The following SDK1 variants were observed in gnomAD, a reference collection of about 807,000 sequenced individuals.
SDK1 encodes the protein protein sidekick-1.
Under a neutral mutation model 245.5 loss-of-function variants are expected in SDK1, and 157 were observed. That is an observed-to-expected ratio of 0.64 (90% CI 0.56 to 0.73). SDK1 has a LOEUF of 0.73. Among genes scored for constraint, SDK1 ranks in the 30% least tolerant of loss-of-function variants. SDK1 has a pLI of 0.00. For missense variants in SDK1, 3,583 were observed against 3,002.3 expected, an observed-to-expected ratio of 1.19 and a Z score of -4.52; for synonymous variants, 1,647 against 1,278.5, an observed-to-expected ratio of 1.29 and a Z score of -6.15.
chr7:4,022,089 A>G (rs752014459), intron 17 of SDK1, among the ~76,000 whole-genome samples: 58 of 152,250 alleles, frequency 3.8e-4, no homozygotes, highest in Non-Finnish European at 6.6e-4. Context: ...TTGTCAAGGC[A>G]GCCTAGGGGC....
At chr7:4,129,792 C>G (rs1784670928) in intron 26 of SDK1, 116 bp from the exon 27 acceptor site, 6 of 1,536,616 alleles carry the variant, frequency 3.9e-6, no homozygotes, top group Non-Finnish European at 5.2e-6. Flanking sequence ...CAGCCATCCT[C>G]AGGGAGAAAG....
At chr7:3,504,606 C>G (rs985100835) in intron 1 of SDK1, among the ~76,000 whole-genome samples, 71 of 152,160 alleles carry the variant, frequency 4.7e-4, no homozygotes, top group African/African-American at 1.6e-3. Flanking sequence ...AACTGGATAT[C>G]TACAAGAAAA....
chr7:4,105,425 G>T (rs1782838245), intron 22 of SDK1, among the ~76,000 whole-genome samples: 1 of 152,026 alleles, frequency 6.6e-6, no homozygotes, highest in Admixed American at 6.6e-5. Flanking sequence ...TCCTGCCTCA[G>T]CCTCGTGAGT....
chr7:4,099,404 C>T (rs1370396335), intron 22 of SDK1, among the ~76,000 whole-genome samples: 2 of 140,782 alleles, frequency 1.4e-5, no homozygotes, highest in Non-Finnish European at 1.5e-5. Flanking sequence ...TGGCAGGAGC[C>T]TCTGCTGTGG....
chr7:3,803,449 T>C (rs1779162564), intron 4 of SDK1, among the ~76,000 whole-genome samples: 1 of 151,914 alleles, frequency 6.6e-6, no homozygotes, highest in African/African-American at 2.4e-5. Context: ...TAGCTGGAAC[T>C]ACAAGGGCAT....
chr7:3,731,131 A>T (rs1779164158), intron 4 of SDK1, among the ~76,000 whole-genome samples: 1 of 152,064 alleles, frequency 6.6e-6, no homozygotes, highest in Non-Finnish European at 1.5e-5. Context: ...GTCTGCACTC[A>T]CTCATGCATC....
chr7:3,852,668 G>A (rs1297794619), intron 5 of SDK1, among the ~76,000 whole-genome samples: 4 of 148,998 alleles, frequency 2.7e-5, no homozygotes, highest in Non-Finnish European at 5.9e-5. Flanking sequence ...GGAGAATGGC[G>A]GGAACCCGGG....
intron 5 of SDK1, among the ~76,000 whole-genome samples, chr7:3,829,016 T>C (rs2115070597): frequency 1.3e-5 from 2 of 152,296 alleles, no homozygotes; most frequent in East Asian, 3.9e-4. Flanking sequence ...ATACAATTCT[T>C]TGAATCATGT....
intron 5 of SDK1, among the ~76,000 whole-genome samples, chr7:3,823,177 G>A (rs1779688765): frequency 1.3e-5 from 2 of 152,190 alleles, no homozygotes; most frequent in Admixed American, 1.3e-4. Context: ...CAGTAGAAAT[G>A]AGGATGATTT....
Position 4,210,028 on chromosome 7 carries a change from C to G in SDK1, c.5405C>G (p.Pro1802Arg). 1 of 1,583,482 alleles carries G rather than the reference C, an allele frequency of 6.3e-7. No individual in the cohort carries two copies. Among genetic ancestry groups the G allele is most frequent in the Non-Finnish European group, 8.6e-7 (1 of 1,166,232 alleles). ...PQQGRTHQAA[P>R]GAPSFLAFSE... ...ACTTTGTGTTCTATTCTCCCAGCCC[C>G]TGGGGCCCCCAGCTTTCTGGCGTTC... is the stretch of plus-strand genomic sequence containing the variant. Residue 1802 changes from proline to arginine, a missense_variant, in exon 38 of 45, where the codon CCT becomes CGT. Physicochemically the swap from Pro to Arg is moderately radical, Grantham distance 103. Coordinates refer to ENST00000404826, the MANE Select transcript of SDK1 (RefSeq NM_152744.4).
At chr7:3,538,876 G>A (rs188449384) in intron 1 of SDK1, among the ~76,000 whole-genome samples, 1 of 152,318 alleles carries the variant, frequency 6.6e-6, no homozygotes, top group Non-Finnish European at 1.5e-5. Context: ...CACTTATGCT[G>A]TCGGCATGAT....
chr7:3,411,028 A>G (rs931684167), intron 1 of SDK1, among the ~76,000 whole-genome samples: 4 of 152,174 alleles, frequency 2.6e-5, no homozygotes, highest in Non-Finnish European at 4.4e-5. Flanking sequence ...AATGAACAAT[A>G]TGCTTTTAAA....
At chr7:3,584,136 T>C (rs1347434454) in intron 1 of SDK1, among the ~76,000 whole-genome samples, 1 of 152,194 alleles carries the variant, frequency 6.6e-6, no homozygotes, top group Non-Finnish European at 1.5e-5. Flanking sequence ...TGGGGTATTG[T>C]AAAAAGATTC....
chr7:3,660,378 C>A (rs929486035), intron 4 of SDK1, among the ~76,000 whole-genome samples: 1 of 150,970 alleles, frequency 6.6e-6, no homozygotes, highest in African/African-American at 2.4e-5. Flanking sequence ...GACTTGAATT[C>A]CAGCACTAAA....
intron 1 of SDK1, among the ~76,000 whole-genome samples, chr7:3,432,894 G>A (rs911655127): frequency 5.9e-5 from 9 of 152,198 alleles, no homozygotes; most frequent in Admixed American, 5.2e-4. Context: ...AGAATTTCAT[G>A]GCTGAGCCTC....
intron 4 of SDK1, among the ~76,000 whole-genome samples, chr7:3,816,893 G>T (rs1402212649): frequency 6.6e-6 from 1 of 151,630 alleles, no homozygotes; most frequent in Non-Finnish European, 1.5e-5. Flanking sequence ...CTAATATTCT[G>T]CATCTTCCTG....
At chr7:4,155,998 A>G (rs1466018022) in intron 30 of SDK1, among the ~76,000 whole-genome samples, 1 of 152,178 alleles carries the variant, frequency 6.6e-6, no homozygotes, top group East Asian at 1.9e-4. Flanking sequence ...GCTGATCCTT[A>G]GTGAGCTTGC....
chr7:4,105,376 A>C (rs1782833457), intron 22 of SDK1, among the ~76,000 whole-genome samples: 1 of 151,652 alleles, frequency 6.6e-6, no homozygotes, highest in Non-Finnish European at 1.5e-5. Context: ...GCATGATCTC[A>C]GCTCACTGCA....
chr7:3,453,162 C>A (rs1780568536), intron 1 of SDK1, among the ~76,000 whole-genome samples: 1 of 152,156 alleles, frequency 6.6e-6, no homozygotes. Flanking sequence ...TTTCCCTCAC[C>A]AACTTGTGAA....
Sources: gnomAD v4.1 joint callset for allele counts (sites outside exome capture counted in the v4.1 genomes callset) on GRCh38, gnomAD v4.1.1 for gene constraint, MANE v1.5 for transcripts, NCBI Gene and HGNC (gene_info 2026-07-23, HGNC 2026-07-21) for gene names.